The following ALOX15B variants were observed in gnomAD, a reference collection of about 807,000 sequenced individuals.
ALOX15B encodes polyunsaturated fatty acid lipoxygenase ALOX15B.
A neutral mutation model predicts 73.8 loss-of-function variants in ALOX15B; 74 were observed. The ratio of observed to expected loss-of-function variants is 1.00; its 90% CI spans 0.83 to 1.22. The LOEUF (loss-of-function observed/expected upper bound fraction) is 1.22. Among genes scored for constraint, ALOX15B ranks in the 50% most tolerant of loss-of-function variants. The pLI is 0.00. For synonymous variants in ALOX15B, 353 were observed against 357.2 expected (o/e 0.99, Z 0.13); for missense variants, 896 against 859.9 (o/e 1.04, Z -0.52).
chr17:8,043,464 GAGA>G (rs1459696534), intron 5 of ALOX15B, among the ~76,000 whole-genome samples: 3 of 152,228 alleles, frequency 2.0e-5, no homozygotes, highest in African/African-American at 7.2e-5. Flanking sequence ...TAATGAACAA[GAGA>G]AGGAGAGCGA....
chr17:8,047,870 T>C lies in ALOX15B; in HGVS notation c.1806T>C (p.Asp602=). The C allele has an allele frequency of 6.2e-7, 1 of 1,614,178 alleles. No homozygotes were observed. The stretch of plus-strand genomic sequence containing the variant: ...TCCCACCTGTCAATGCCACATGTGA[T>C]GTCATCCTTGCTCTCTGGTTGCTGA... ...ATLPPVNATC[D]VILALWLLSK... is the part of the protein sequence containing the mutation. Residue 602 remains aspartate (D), a synonymous_variant, in exon 13 of 14, where the codon GAT becomes GAC. Coordinates refer to ENST00000380183, the MANE Select transcript of ALOX15B (RefSeq NM_001141.3).
chr17:8,039,493 T>G lies in ALOX15B; in HGVS notation c.255T>G (p.Asp85Glu). 1 of 1,576,702 alleles carries G rather than the reference T, an allele frequency of 6.3e-7. No homozygotes were observed. Among genetic ancestry groups the G allele is most frequent in the Non-Finnish European group, 8.6e-7 (1 of 1,163,692 alleles). Residue 85 changes from aspartate (D) to glutamate (E), a missense_variant, in exon 2 of 14, where the codon GAT (aspartate) becomes GAG (glutamate). Transcript: ENST00000380183. ...VLPLLGPLAP[D>E]AWFCRWFQLT... Reference sequence around the variant, plus strand: ...CCCTGCTGGGGCCCCTGGCCCCGGATGCCTGGTTCTGCCGCTGGTTCCAGC... The same window carrying G: ...CCCTGCTGGGGCCCCTGGCCCCGGAGGCCTGGTTCTGCCGCTGGTTCCAGC...
intron 5 of ALOX15B, 47 bp downstream of exon 5, chr17:8,042,931 G>A: frequency 1.0e-5 from 15 of 1,448,024 alleles, no homozygotes; most frequent in Non-Finnish European, 1.3e-5. Context: ...TGGGGCATCA[G>A]CTCCTGTGGC....
intron 3 of ALOX15B, 122 bp from the exon 4 acceptor site, chr17:8,042,247 G>T (rs1976481819): frequency 8.0e-7 from 1 of 1,248,180 alleles, no homozygotes; most frequent in Non-Finnish European, 1.1e-6. Context: ...TCCCAGGAGG[G>T]CCCTCTTGGC....
Position 8,045,456 on chromosome 17 carries a change from C to T in ALOX15B, c.997-27C>T. ...AATGGTTGGAAGACACTCATGGCTG[C>T]CTCTCTCCCCACCTGCCTCCCCCCA... On this transcript the variant is annotated intron_variant, in intron 7 of 13. Coordinates refer to ENST00000380183, the MANE Select transcript of ALOX15B (RefSeq NM_001141.3). The T allele has an allele frequency of 4.3e-6, 7 of 1,613,642 alleles. No homozygotes were observed. The South Asian group carries it at 4.4e-5, about 10-fold the overall frequency.
At position 8,039,250 on chromosome 17, in the gene ALOX15B, A is replaced by G; in HGVS notation, c.95A>G (p.Glu32Gly). 1 of 1,602,260 alleles carries G rather than the reference A, an allele frequency of 6.2e-7. No homozygotes were observed. The highest frequency in any genetic ancestry group is 8.5e-7 in the Non-Finnish European group (1 of 1,174,100). ...VSVSIVGTRG[E>G]SPPLPLDNLG... ...GTCAGCATCGTGGGGACCCGGGGAGAGAGCCCCCCACTGCCCCTGGACAAT... is the reference window on the plus strand; with the variant it reads ...GTCAGCATCGTGGGGACCCGGGGAGGGAGCCCCCCACTGCCCCTGGACAAT... Residue 32 changes from glutamate to glycine, a missense_variant, in exon 1 of 14, where the codon GAG (glutamate) becomes GGG (glycine). By Grantham distance (98) the Glu-to-Gly change is moderately conservative. Transcript: ENST00000380183.
rs1335080448 is a variant in ALOX15B at position 8,047,071 on chromosome 17, G to A, written c.1452G>A (p.Val484=). 6.2e-7 allele frequency: 1 copy of A among 1,613,530 alleles called. No individual in the cohort carries two copies. The highest frequency in any genetic ancestry group is 8.5e-7 in the Non-Finnish European group (1 of 1,179,996). Reference sequence around the variant, plus strand: ...ATGGGATGCAGATCTGGGGTGCAGTGGAACGGTGAGGGGCCGTCCCTGGAG... The same window carrying A: ...ATGGGATGCAGATCTGGGGTGCAGTAGAACGGTGAGGGGCCGTCCCTGGAG... The part of the protein sequence containing the change: ...RDDGMQIWGA[V]ERFVSEIIGI... Residue 484 remains valine (V), a synonymous_variant, in exon 10 of 14, where the codon GTG becomes GTA. Transcript: ENST00000380183.
intron 9 of ALOX15B, 56 bp downstream of exon 9, chr17:8,046,810 T>G: frequency 6.2e-7 from 1 of 1,612,444 alleles, no homozygotes; most frequent in Non-Finnish European, 8.5e-7. Flanking sequence ...GTGACGAATT[T>G]GAGGTCCTGG....
In ALOX15B at chr17:8,045,532, A is replaced by T; in HGVS notation, c.1046A>T (p.Asp349Val). Reference protein sequence around the residue: ...PNSPIFLPTDDKWDWLLAKTW... With the variant: ...PNSPIFLPTDVKWDWLLAKTW... ...AGCCCCATCTTCCTGCCCACTGATGACAAGTGGGACTGGTTGCTGGCCAAG... is the reference window on the plus strand; with the variant it reads ...AGCCCCATCTTCCTGCCCACTGATGTCAAGTGGGACTGGTTGCTGGCCAAG... Residue 349 changes from aspartate (D) to valine (V), a missense_variant, in exon 8 of 14, where the codon GAC becomes GTC. Physicochemically the swap from Asp to Val is radical, Grantham distance 152. Coordinates refer to ENST00000380183, the MANE Select transcript of ALOX15B (RefSeq NM_001141.3). The T allele has an allele frequency of 6.2e-7, 1 of 1,614,114 alleles. No homozygotes were observed. Among genetic ancestry groups the T allele is most frequent in the Non-Finnish European group, 8.5e-7 (1 of 1,180,002 alleles).
Position 8,039,072 on chromosome 17 carries a change from A to G in ALOX15B, c.-84A>G, listed in dbSNP as rs1347111498. 3 of 1,502,036 alleles carry G rather than the reference A, an allele frequency of 2.0e-6. No homozygotes were observed. Among genetic ancestry groups the G allele is most frequent in the East Asian group, 5.0e-5 (2 of 40,394 alleles). 93.0% of individuals were successfully genotyped at this position (1,502,036 alleles called of 1,614,324 possible). On this transcript the variant is annotated 5_prime_UTR_variant, in exon 1 of 14. Coordinates refer to ENST00000380183, the MANE Select transcript of ALOX15B (RefSeq NM_001141.3). ...GGGCTTGGAGTCAGTGGCAATAACC[A>G]GGGGCAATAACCAGGCGTGTCCCAG...
In ALOX15B at chr17:8,047,334, G is replaced by A; in HGVS notation, c.1534G>A (p.Val512Ile). Residue 512 changes from valine to isoleucine, a missense_variant, in exon 11 of 14, where the codon GTC becomes ATC. Val to Ile is a conservative substitution (Grantham distance 29). Coordinates refer to ENST00000380183, the MANE Select transcript of ALOX15B (RefSeq NM_001141.3). The stretch of plus-strand genomic sequence containing the variant: ...AGATGACAGAGAGCTCCAGGCCTGG[G>A]TCAGAGAGATCTTCTCCAAGGGCTT... ...VQDDRELQAW[V>I]REIFSKGFLN... The A allele has an allele frequency of 6.2e-7, 1 of 1,614,088 alleles. No individual in the cohort carries two copies. The highest frequency in any genetic ancestry group is 1.1e-5 in the South Asian group (1 of 91,084).
chr17:8,045,008 G>T lies in ALOX15B; in HGVS notation c.849+7G>T. The T allele has an allele frequency of 6.2e-7, 1 of 1,613,944 alleles. No individual in the cohort carries two copies. The highest frequency in any genetic ancestry group is 1.1e-5 in the South Asian group (1 of 91,056). ...CTTGCAGGCTGAGCTAGAGGTGAGGGGTGCAGGGATCTTGGCTCTGCACAG... is the reference window on the plus strand; with the variant it reads ...CTTGCAGGCTGAGCTAGAGGTGAGGTGTGCAGGGATCTTGGCTCTGCACAG... On this transcript the variant is annotated splice_region_variant and intron_variant, in intron 6 of 13. Transcript: ENST00000380183.
In ALOX15B at chr17:8,046,202, TCTC is replaced by T. The variant is rs576321822; in HGVS notation, c.1201-463_1201-461del. On this transcript the variant is annotated intron_variant, in intron 8 of 13. Transcript: ENST00000380183. ...TCAGATTCTCTGATCCTTCTAGACT[TCTC>T]CTGGGTCCCAGATGCGGGCCCTACT... 7.9e-5 allele frequency among the ~76,000 whole-genome samples: 12 copies of T among 152,280 alleles called. No individual in the cohort carries two copies. In the East Asian group the frequency reaches 2.3e-3, roughly 29 times the overall value.
In ALOX15B at chr17:8,039,472, G is replaced by C. The variant is rs772739539; in HGVS notation, c.234G>C (p.Leu78=). The C allele has an allele frequency of 1.1e-5, 18 of 1,598,846 alleles. No individual in the cohort carries two copies. Residue 78 remains leucine (L), a synonymous_variant, in exon 2 of 14, where the codon CTG becomes CTC. Coordinates refer to ENST00000380183, the MANE Select transcript of ALOX15B (RefSeq NM_001141.3). The part of the protein sequence containing the change: ...RVHKAPPVLP[L]LGPLAPDAWF... ...ACAAGGCGCCCCCAGTGCTGCCCCT[G>C]CTGGGGCCCCTGGCCCCGGATGCCT... is the stretch of plus-strand genomic sequence containing the variant.
rs1976485290 is a variant in ALOX15B at position 8,042,383 on chromosome 17, A to G, written c.464A>G (p.Asn155Ser). Residue 155 changes from asparagine to serine, a missense_variant, in exon 4 of 14, where the codon AAC becomes AGC. Coordinates refer to ENST00000380183, the MANE Select transcript of ALOX15B (RefSeq NM_001141.3). The part of the protein sequence containing the change: ...RQEMYQWKAY[N>S]PGWPHCLDEK... ...CTACCCTCCAGGTGGAAGGCTTACA[A>G]CCCAGGTTGGCCTCACTGCCTGGAT... The G allele has an allele frequency of 6.2e-7, 1 of 1,613,988 alleles. No individual in the cohort carries two copies. The highest frequency in any genetic ancestry group is 2.2e-5 in the East Asian group (1 of 44,884).
chr17:8,046,334 C>T (rs1186685209), intron 8 of ALOX15B, among the ~76,000 whole-genome samples: 2 of 152,244 alleles, frequency 1.3e-5, no homozygotes, highest in Admixed American at 6.5e-5. Context: ...GCCAGGCCCA[C>T]AGGCCCTGGT....
rs779347611 is a variant in ALOX15B, at chr17:8,048,482, G to A, written c.1948G>A (p.Gly650Ser). 8 of 1,614,106 alleles carry A rather than the reference G, an allele frequency of 5.0e-6. No homozygotes were observed. In the South Asian group the frequency reaches 8.8e-5, roughly 18 times the overall value. ...FQSRLAQISR[G>S]IQERNQGLVL... is the part of the protein sequence containing the mutation. ...GAGCCGCCTGGCCCAGATCTCGAGGGGCATCCAGGAGCGGAACCAGGGCCT... is the reference window on the plus strand; with the variant it reads ...GAGCCGCCTGGCCCAGATCTCGAGGAGCATCCAGGAGCGGAACCAGGGCCT... Residue 650 changes from glycine (G) to serine (S), a missense_variant, in exon 14 of 14, where the codon GGC (glycine) becomes AGC (serine). Transcript: ENST00000380183.
chr17:8,041,936 G>A (rs1400691253), intron 3 of ALOX15B, among the ~76,000 whole-genome samples: 3 of 152,206 alleles, frequency 2.0e-5, no homozygotes, highest in African/African-American at 7.2e-5. Context: ...CAACTAGCAG[G>A]CAGAAAAAAA....
chr17:8,045,675 C>G lies in ALOX15B; in HGVS notation c.1189C>G (p.Pro397Ala). 2 of 1,613,874 alleles carry G rather than the reference C, an allele frequency of 1.2e-6. No homozygotes were observed. The highest frequency in any genetic ancestry group is 2.7e-5 in the African/African-American group (2 of 75,050). The change falls in exon 8 of 14, where the codon CCT (proline) becomes GCT (alanine). Residue 397 changes from proline (P) to alanine (A), a missense_variant. By Grantham distance (27) the Pro-to-Ala change is conservative. Coordinates refer to ENST00000380183, the MANE Select transcript of ALOX15B (RefSeq NM_001141.3). ...CCTGCGTCAGCTGCCCCACTGCCAC[C>G]CTCTCTTCAAGGTCAGTGGCTTGAC... is the stretch of plus-strand genomic sequence containing the variant. ...ATLRQLPHCH[P>A]LFKLLIPHTR...
Sources: gnomAD v4.1 joint callset for allele counts (sites outside exome capture counted in the v4.1 genomes callset) on GRCh38, gnomAD v4.1.1 for gene constraint, MANE v1.5 for transcripts, NCBI Gene and HGNC (gene_info 2026-07-23, HGNC 2026-07-21) for gene names.